COL6A6: variants seen among roughly 807,000 people sequenced by gnomAD.
The protein encoded by COL6A6 is collagen type VI alpha 6 chain.
A neutral mutation model predicts 208.6 loss-of-function variants in COL6A6; 183 were observed. The observed-to-expected ratio is 0.88, with a 90% CI of 0.78 to 0.99. The LOEUF is 0.99. Ranked by LOEUF, COL6A6 falls within the 50% of genes least tolerant of loss-of-function variation. The probability of loss-of-function intolerance (pLI) is 0.00; values close to 1 mark genes in which losing one functional copy is unlikely to be tolerated. For missense variants in COL6A6, 2,816 were observed against 2,815.2 expected (o/e 1.00, Z -0.01); for synonymous variants, 973 against 1,011.8 (o/e 0.96, Z 0.73).
At chr3:130,667,259 CAG>C (rs1256058067) in intron 36 of COL6A6, among the ~76,000 whole-genome samples, 1 of 152,176 alleles carries the variant, frequency 6.6e-6, no homozygotes, top group Non-Finnish European at 1.5e-5. Context: ...GTTTGTGAGA[CAG>C]AGTTTCACTC....
chr3:130,554,579 G>A (rs573232961), intron 1 of COL6A6, among the ~76,000 whole-genome samples: 41 of 152,316 alleles, frequency 2.7e-4, no homozygotes, highest in African/African-American at 9.9e-4. Flanking sequence ...GGCAACGGTG[G>A]GGCAGGGGAG....
At chr3:130,600,765 G>T (rs753204559) in intron 20 of COL6A6, among the ~76,000 whole-genome samples, 4 of 152,090 alleles carry the variant, frequency 2.6e-5, no homozygotes, top group Non-Finnish European at 5.9e-5. Flanking sequence ...AATGCATGTG[G>T]GGCATAAAAC....
chr3:130,519,881 G>T (rs2107657389), intron 1 of COL6A6, among the ~76,000 whole-genome samples: 1 of 152,304 alleles, frequency 6.6e-6, no homozygotes, highest in South Asian at 2.1e-4. Flanking sequence ...TTTATCCTGT[G>T]TTCTGACCTC....
At chr3:130,544,495 G>A (rs2062446631) in intron 1 of COL6A6, among the ~76,000 whole-genome samples, 1 of 152,210 alleles carries the variant, frequency 6.6e-6, no homozygotes, top group Non-Finnish European at 1.5e-5. Flanking sequence ...GAACAAAGGA[G>A]TGCAGATATC....
At chr3:130,589,206 G>C (rs1037219777) in intron 12 of COL6A6, 24 bp downstream of exon 12, 1 of 1,539,596 alleles carries the variant, frequency 6.5e-7, no homozygotes, top group Admixed American at 1.7e-5. Context: ...AGATTTATGG[G>C]TTACTTTGAG....
chr3:130,654,454 G>A (rs1451202485), intron 33 of COL6A6, among the ~76,000 whole-genome samples: 1 of 152,136 alleles, frequency 6.6e-6, no homozygotes, highest in African/African-American at 2.4e-5. Flanking sequence ...TTAAAACATT[G>A]CAAAGAGACA....
In COL6A6 at chr3:130,589,216, G is replaced by A. The variant is rs199841199; in HGVS notation, c.4218+34G>A. 1.1e-3 allele frequency: 1,593 copies of A among 1,456,972 alleles called. 2 individuals are homozygous for A. The highest frequency in any genetic ancestry group is 1.4e-3 in the Non-Finnish European group (1,451 of 1,037,374). 90.3% of individuals were successfully genotyped at this position (1,456,972 alleles called of 1,614,324 possible). A position where few individuals can be genotyped will look rare whatever the true frequency, so the allele number is the denominator to read the frequency against. On this transcript the variant is annotated intron_variant, in intron 12 of 36. Transcript: ENST00000358511. The stretch of plus-strand genomic sequence containing the variant: ...AGCTCAGATTTATGGGTTACTTTGA[G>A]TTGTAGTATGTCCTTCAGACATGGG...
At chr3:130,651,295 G>A (rs1486923081) in intron 33 of COL6A6, among the ~76,000 whole-genome samples, 3 of 151,790 alleles carry the variant, frequency 2.0e-5, no homozygotes, top group Admixed American at 6.6e-5. Flanking sequence ...GCACAGTGGC[G>A]TGTGCCTGTA....
intron 10 of COL6A6, among the ~76,000 whole-genome samples, chr3:130,583,107 C>G (rs1266375239): frequency 6.6e-6 from 1 of 152,216 alleles, no homozygotes; most frequent in Non-Finnish European, 1.5e-5. Flanking sequence ...TTCTAGGGAA[C>G]ATGACCTAAG....
At chr3:130,557,251 A>G (rs745603734) in intron 1 of COL6A6, among the ~76,000 whole-genome samples, 2 of 152,254 alleles carry the variant, frequency 1.3e-5, no homozygotes, top group Non-Finnish European at 2.9e-5. Context: ...ATTAACATAC[A>G]AAGCTCCTTT....
At chr3:130,658,624 G>T (rs1052282797) in intron 33 of COL6A6, 52 bp from the exon 34 acceptor site, 1 of 1,215,904 alleles carries the variant, frequency 8.2e-7, no homozygotes, top group Non-Finnish European at 1.2e-6. Context: ...GTCCTAAGAG[G>T]TTCTTGCAGC....
Position 130,565,133 on chromosome 3 carries a change from G to C in COL6A6, c.801G>C (p.Arg267Ser), listed in dbSNP as rs778519580. The C allele has an allele frequency of 1.9e-6, 3 of 1,614,038 alleles. No homozygotes were observed. The Admixed American group carries it at 5.0e-5, about 27-fold the overall frequency. The change falls in exon 4 of 37, where the codon AGG (arginine) becomes AGC (serine). Residue 267 changes from arginine to serine, a missense_variant. By Grantham distance (110) the Arg-to-Ser change is moderately radical (BLOSUM62 -1). Transcript: ENST00000358511. ...SALDIKENCM[R>S]VGLVAYSNET... ...TTGACATAAAGGAAAATTGCATGAG[G>C]GTTGGCCTTGTGGCCTATAGCAATG... is the stretch of plus-strand genomic sequence containing the variant.
intron 22 of COL6A6, among the ~76,000 whole-genome samples, chr3:130,610,275 T>C (rs958949140): frequency 1.1e-4 from 16 of 152,320 alleles, no homozygotes; most frequent in African/African-American, 3.8e-4. Context: ...TTCAGTGTGG[T>C]TATTGAATAG....
At chr3:130,671,013 G>GGGGAGA (rs1344498974) in intron 36 of COL6A6, among the ~76,000 whole-genome samples, 2 of 152,172 alleles carry the variant, frequency 1.3e-5, no homozygotes, top group Non-Finnish European at 2.9e-5. Context: ...CAAGGGAAGA[G>GGGGAGA]GGGAGATGCC....
intron 28 of COL6A6, among the ~76,000 whole-genome samples, chr3:130,638,404 A>C (rs58456232): frequency 0.37 from 55,671 of 151,958 alleles, 13,316 homozygotes; most frequent in African/African-American, 0.66. Flanking sequence ...TCTCCAACTT[A>C]ATCCCAACGC....
At chr3:130,593,660 A>G (rs1288899480) in intron 17 of COL6A6, among the ~76,000 whole-genome samples, 2 of 152,204 alleles carry the variant, frequency 1.3e-5, no homozygotes, top group Non-Finnish European at 2.9e-5. Flanking sequence ...ATCAATGCAT[A>G]TTGCCAAACT....
intron 23 of COL6A6, 78 bp downstream of exon 23, chr3:130,610,789 G>A: frequency 9.3e-7 from 1 of 1,073,542 alleles, no homozygotes; most frequent in South Asian, 1.5e-5. Flanking sequence ...CATACAGGTG[G>A]AGTTATTTAC....
At chr3:130,597,077 T>C (rs2063873143) in intron 18 of COL6A6, among the ~76,000 whole-genome samples, 1 of 152,228 alleles carries the variant, frequency 6.6e-6, no homozygotes, top group Non-Finnish European at 1.5e-5. Flanking sequence ...TTATGTTATC[T>C]CTTCAAGTAG....
intron 6 of COL6A6, 103 bp from the exon 7 acceptor site, chr3:130,570,715 T>C: frequency 1.2e-6 from 1 of 808,638 alleles, no homozygotes; most frequent in South Asian, 1.8e-5. Flanking sequence ...CACAGCATGA[T>C]CCCCTTGGAG....
Sources: gnomAD v4.1 joint callset for allele counts (sites outside exome capture counted in the v4.1 genomes callset) on GRCh38, gnomAD v4.1.1 for gene constraint, MANE v1.5 for transcripts, NCBI Gene and HGNC (gene_info 2026-07-23, HGNC 2026-07-21) for gene names.